The following MYRIP variants were observed in gnomAD, a reference collection of about 807,000 sequenced individuals.
MYRIP encodes rab effector MyRIP.
Under a neutral mutation model 98.0 loss-of-function variants are expected in MYRIP, and 49 were observed. The ratio of observed to expected loss-of-function variants is 0.50; its 90% CI spans 0.40 to 0.63. The LOEUF (loss-of-function observed/expected upper bound fraction) is 0.63. Among genes scored for constraint, MYRIP ranks in the 30% least tolerant of loss-of-function variants. The pLI, the probability that MYRIP is intolerant of heterozygous loss-of-function variation, is 0.00. For missense variants in MYRIP, 1,004 were observed against 1,058.2 expected (o/e 0.95, Z 0.71); for synonymous variants, 404 against 409.5 (o/e 0.99, Z 0.16).
intron 2 of MYRIP, among the ~76,000 whole-genome samples, chr3:39,951,261 C>A (rs1945006872): frequency 6.6e-6 from 1 of 152,096 alleles, no homozygotes; most frequent in African/African-American, 2.4e-5. Context: ...GATCCCTAAT[C>A]CTGGCTGGAC....
At chr3:39,979,733 C>G (rs1210440690) in intron 2 of MYRIP, among the ~76,000 whole-genome samples, 2 of 151,268 alleles carry the variant, frequency 1.3e-5, no homozygotes, top group African/African-American at 4.9e-5. Flanking sequence ...GTCATGCATT[C>G]ACTGGGAGAT....
chr3:40,205,420 A>T (rs1226898450), intron 10 of MYRIP, among the ~76,000 whole-genome samples: 1 of 152,148 alleles, frequency 6.6e-6, no homozygotes, highest in Non-Finnish European at 1.5e-5. Flanking sequence ...TGAGGACACA[A>T]GGGAATGCAG....
intron 7 of MYRIP, among the ~76,000 whole-genome samples, chr3:40,169,336 G>A (rs1458099878): frequency 6.6e-6 from 1 of 152,158 alleles, no homozygotes; most frequent in African/African-American, 2.4e-5. Context: ...CCATCTTGGT[G>A]GCTTAGCACA....
In MYRIP at chr3:40,060,596, T is replaced by TGAGAGAGAGAGAGAGA. The variant is rs35495297; in HGVS notation, c.332+16332_332+16347dup. 4.1e-3 allele frequency among the ~76,000 whole-genome samples: 572 copies of TGAGAGAGAGAGAGAGA among 138,864 alleles called. 8 individuals carry two copies. Among genetic ancestry groups the TGAGAGAGAGAGAGAGA allele is most frequent in the African/African-American group, 0.01 (375 of 37,438 alleles). The allele number at this position is 138,864 out of a possible 152,430, so 91.1% of individuals were successfully genotyped here. A position where few individuals can be genotyped will look rare whatever the true frequency, so the allele number is the denominator to read the frequency against. On this transcript the variant is annotated intron_variant, in intron 3 of 16. Transcript: ENST00000302541. ...TAGATTTTCTTTTTTTTTCTTTTTT[T>TGAGAGAGAGAGAGAGA]GAGAGAGAGAGAGAGAGAGAGATTC...
chr3:40,225,808 A>G (rs1952470491), intron 11 of MYRIP, among the ~76,000 whole-genome samples: 2 of 152,324 alleles, frequency 1.3e-5, no homozygotes, highest in African/African-American at 2.4e-5. Flanking sequence ...AACATTCAGC[A>G]CGGGGAGAAG....
intron 9 of MYRIP, among the ~76,000 whole-genome samples, chr3:40,185,182 C>T (rs149856195): frequency 1.3e-5 from 2 of 152,304 alleles, no homozygotes; most frequent in East Asian, 3.9e-4. Context: ...AGGGTTGATT[C>T]AGGAGCCTGT....
intron 3 of MYRIP, among the ~76,000 whole-genome samples, chr3:40,090,579 T>C (rs1948721420): frequency 6.6e-6 from 1 of 152,226 alleles, no homozygotes; most frequent in African/African-American, 2.4e-5. Flanking sequence ...CATTACAGCA[T>C]AGGGTTCAGT....
chr3:40,103,252 A>G (rs1948984625), intron 3 of MYRIP, among the ~76,000 whole-genome samples: 2 of 152,096 alleles, frequency 1.3e-5, no homozygotes. Flanking sequence ...CCCTGCATGT[A>G]CTTCAAGCAC....
At chr3:39,816,078 C>CTTTTTTTTTTTTT (rs11382431) in intron 1 of MYRIP, among the ~76,000 whole-genome samples, 1 of 143,230 alleles carries the variant, frequency 7.0e-6, no homozygotes, top group Non-Finnish European at 1.5e-5. Flanking sequence ...TTCTTTTTTT[C>CTTTTTTTTTTTTT]TTTTTTTTTT....
chr3:39,884,810 T>TTA (rs1018612813), intron 1 of MYRIP, among the ~76,000 whole-genome samples: 16 of 98,746 alleles, frequency 1.6e-4, no homozygotes, highest in Non-Finnish European at 2.5e-4. Context: ...GTCATTATTA[T>TTA]TTTTTTTTTT....
At chr3:40,100,054 G>A (rs549715999) in intron 3 of MYRIP, 1 of 984,928 alleles carries the variant, frequency 1.0e-6, no homozygotes, top group African/African-American at 1.7e-5. Context: ...CTCTGGTATT[G>A]CTCTCTACCC....
At chr3:39,918,801 A>C (rs1944234417) in intron 2 of MYRIP, among the ~76,000 whole-genome samples, 1 of 152,212 alleles carries the variant, frequency 6.6e-6, no homozygotes, top group Non-Finnish European at 1.5e-5. Context: ...GTGTCAAGAT[A>C]GGTTATAGGA....
intron 1 of MYRIP, among the ~76,000 whole-genome samples, chr3:39,896,895 G>T (rs997179636): frequency 6.6e-6 from 1 of 151,718 alleles, no homozygotes; most frequent in Non-Finnish European, 1.5e-5. Flanking sequence ...GTATTAACCA[G>T]TACCTGTAGA....
intron 2 of MYRIP, among the ~76,000 whole-genome samples, chr3:40,034,173 A>G (rs1947325343): frequency 6.6e-6 from 1 of 151,822 alleles, no homozygotes; most frequent in South Asian, 2.1e-4. Flanking sequence ...CAAGGACTTC[A>G]TGTCTAAAAC....
At chr3:39,888,718 A>G (rs1320022869) in intron 1 of MYRIP, among the ~76,000 whole-genome samples, 2 of 152,316 alleles carry the variant, frequency 1.3e-5, no homozygotes, top group East Asian at 3.9e-4. Flanking sequence ...ACAGCAAAAG[A>G]AACTACCATC....
At chr3:40,004,638 C>T (rs184090564) in intron 2 of MYRIP, among the ~76,000 whole-genome samples, 21 of 152,194 alleles carry the variant, frequency 1.4e-4, no homozygotes, top group South Asian at 2.1e-4. Flanking sequence ...CAACTCCCAC[C>T]TTTCCTTCTG....
At chr3:39,938,371 A>C (rs1944703988) in intron 2 of MYRIP, among the ~76,000 whole-genome samples, 1 of 152,102 alleles carries the variant, frequency 6.6e-6, no homozygotes, top group South Asian at 2.1e-4. Context: ...GTATTGATCT[A>C]TTCTACTGTC....
At chr3:40,168,458 A>T (rs1209618833) in intron 7 of MYRIP, among the ~76,000 whole-genome samples, 1 of 152,252 alleles carries the variant, frequency 6.6e-6, no homozygotes, top group African/African-American at 2.4e-5. Context: ...AGTGTTTATT[A>T]GCTCATATAA....
intron 2 of MYRIP, among the ~76,000 whole-genome samples, chr3:39,996,904 G>T (rs1227742513): frequency 6.6e-6 from 1 of 152,162 alleles, no homozygotes; most frequent in African/African-American, 2.4e-5. Context: ...CAACTACATG[G>T]AAACTGAACA....
Sources: allele counts gnomAD v4.1 joint callset (sites outside exome capture counted in the v4.1 genomes callset), GRCh38; gene constraint gnomAD v4.1.1; transcripts MANE v1.5; gene names NCBI Gene and HGNC (gene_info 2026-07-23, HGNC 2026-07-21).